Variants in MGAT4C observed in about 807,000 individuals in gnomAD.
MGAT4C encodes the protein MGAT4 family member C, also known as alpha-1,3-mannosyl-glycoprotein 4-beta-N-acetylglucosaminyltransferase C.
MGAT4C carries 19 observed loss-of-function variants against 40.1 expected under a neutral mutation model. The observed-to-expected ratio is 0.47, with a 90% CI of 0.33 to 0.70. The LOEUF (loss-of-function observed/expected upper bound fraction) is 0.70, where lower values mean the gene tolerates loss of function less well. Among genes scored for constraint, MGAT4C ranks in the 30% least tolerant of loss-of-function variants. The pLI is 0.02. For missense variants in MGAT4C, 491 were observed against 563.2 expected, an observed-to-expected ratio of 0.87 and a Z score of 1.30; for synonymous variants, 181 against 187.1, an observed-to-expected ratio of 0.97 and a Z score of 0.27.
chr12:86,333,871 A>C (rs775290549), intron 4 of MGAT4C, among the ~76,000 whole-genome samples: 5 of 152,146 alleles, frequency 3.3e-5, no homozygotes, highest in African/African-American at 9.7e-5. Context: ...CTTCAGAGTT[A>C]AGTATCTATT....
Position 85,974,551 on chromosome 12 carries a change from A to G in MGAT4C, c.*4738T>C, listed in dbSNP as rs946688443. ...TGTACATACACATATGTATATATAC[A>G]TACACACAGATTGAGAGATTAACCA... On this transcript the variant is annotated 3_prime_UTR_variant, in exon 5 of 5. Coordinates refer to ENST00000611864, the MANE Select transcript of MGAT4C (RefSeq NM_001351288.2). 5.0e-4 allele frequency: 75 copies of G among 150,872 alleles called. 1 individual carries two copies. Among genetic ancestry groups the G allele is most frequent in the African/African-American group, 1.7e-3 (70 of 41,400 alleles). 9.3% of individuals were successfully genotyped at this position (150,872 alleles called of 1,614,324 possible).
intron 4 of MGAT4C, among the ~76,000 whole-genome samples, chr12:86,285,671 A>G (rs1469541822): frequency 1.0e-5 from 1 of 96,278 alleles, no homozygotes; most frequent in Non-Finnish European, 2.1e-5. Context: ...TGTGCTCAAA[A>G]GTCTCAAAAA....
At chr12:86,506,358 T>A (rs1390019268) in intron 2 of MGAT4C, among the ~76,000 whole-genome samples, 1 of 152,162 alleles carries the variant, frequency 6.6e-6, no homozygotes, top group African/African-American at 2.4e-5. Flanking sequence ...CAAATATATT[T>A]TTTAAAGACT....
At position 85,968,771 on chromosome 12, in the gene MGAT4C, G is replaced by A. The variant is rs946106746; in HGVS notation, c.*10518C>T. ...AACAATTATGATAACTCTGAGCATG[G>A]AGCTCAGGAATGGGTGAAATTCTTC... On this transcript the variant is annotated 3_prime_UTR_variant, in exon 5 of 5. Coordinates refer to ENST00000611864, the MANE Select transcript of MGAT4C (RefSeq NM_001351288.2). The A allele has an allele frequency of 1.3e-5, 2 of 151,830 alleles. No homozygotes were observed. Among genetic ancestry groups the A allele is most frequent in the Non-Finnish European group, 2.9e-5 (2 of 67,824 alleles). 9.4% of individuals were successfully genotyped at this position (151,830 alleles called of 1,614,324 possible). A position where few individuals can be genotyped will look rare whatever the true frequency, so the allele number is the denominator to read the frequency against.
At chr12:85,991,256 T>A (rs1191490018) in intron 2 of MGAT4C, among the ~76,000 whole-genome samples, 2 of 152,098 alleles carry the variant, frequency 1.3e-5, no homozygotes, top group African/African-American at 2.4e-5. Context: ...CACTCCATCA[T>A]CTCTCCATCC....
At chr12:86,154,133 A>G (rs1884632873) in intron 1 of MGAT4C, among the ~76,000 whole-genome samples, 1 of 152,182 alleles carries the variant, frequency 6.6e-6, no homozygotes, top group African/African-American at 2.4e-5. Flanking sequence ...TCCAAAGTTC[A>G]TTACCATGAA....
rs1320792772 is a variant in MGAT4C, at chr12:86,034,563, TTTG to T, written c.-7+15108_-7+15110del. Among the ~76,000 whole-genome samples the T allele has an allele frequency of 1.3e-4, 17 of 129,128 alleles. 2 individuals are homozygous for T. The highest frequency in any genetic ancestry group is 3.8e-4 in the African/African-American group (15 of 39,226). 84.7% of individuals were successfully genotyped at this position (129,128 alleles called of 152,430 possible). A position where few individuals can be genotyped will look rare whatever the true frequency, so the allele number is the denominator to read the frequency against. On this transcript the variant is annotated intron_variant, in intron 2 of 4. Coordinates refer to ENST00000611864, the MANE Select transcript of MGAT4C (RefSeq NM_001351288.2). ...TGTGCATAGTAGTCTCTGAGGGTTT[TTTG>T]TTGTTGTTTTTTTTAAATTTTTTTT... is the stretch of plus-strand genomic sequence containing the variant.
At chr12:86,092,333 T>C (rs1873029812) in intron 1 of MGAT4C, among the ~76,000 whole-genome samples, 1 of 152,136 alleles carries the variant, frequency 6.6e-6, no homozygotes, top group Non-Finnish European at 1.5e-5. Flanking sequence ...AAGGTGGAGA[T>C]AAATTACTAT....
At chr12:86,267,299 G>A (rs1389233812) in intron 4 of MGAT4C, among the ~76,000 whole-genome samples, 1 of 152,006 alleles carries the variant, frequency 6.6e-6, no homozygotes, top group Non-Finnish European at 1.5e-5. Flanking sequence ...GCATTTCCAT[G>A]CTGAGGGAAT....
At chr12:86,278,178 CT>C (rs57981698) in intron 4 of MGAT4C, among the ~76,000 whole-genome samples, 46 of 99,944 alleles carry the variant, frequency 4.6e-4, no homozygotes, top group East Asian at 2.2e-3. Context: ...TGTTGACTTC[CT>C]TTTTTTTTTT....
chr12:86,767,488 A>C (rs1229289032), intron 1 of MGAT4C, among the ~76,000 whole-genome samples: 2 of 152,206 alleles, frequency 1.3e-5, no homozygotes, highest in Non-Finnish European at 1.5e-5. Context: ...TCAATAGAAA[A>C]AGAGGGAATC....
chr12:86,619,059 T>C (rs1325589160), intron 2 of MGAT4C, among the ~76,000 whole-genome samples: 4 of 152,196 alleles, frequency 2.6e-5, no homozygotes, highest in East Asian at 3.9e-4. Flanking sequence ...TATTAGGTAT[T>C]ATAAGTAATC....
At position 86,585,753 on chromosome 12, in the gene MGAT4C, CT is replaced by C. The variant is rs1319473578; in HGVS notation, c.-229+141455del. Among the ~76,000 whole-genome samples, 343 of 132,936 alleles carry C rather than the reference CT, an allele frequency of 2.6e-3. 1 individual carries two copies. Among genetic ancestry groups the C allele is most frequent in the African/African-American group, 7.8e-3 (289 of 36,954 alleles). 87.2% of individuals were successfully genotyped at this position (132,936 alleles called of 152,430 possible). ...TTTTTTAATTTTTTTTTTAATTTTT[CT>C]TTTTTTTTTTCATTCCCCCACTTTA... On this transcript the variant is annotated intron_variant, in intron 2 of 7. Transcript: ENST00000548651.
At chr12:86,501,807 A>T (rs1051703313) in intron 2 of MGAT4C, among the ~76,000 whole-genome samples, 2 of 152,008 alleles carry the variant, frequency 1.3e-5, no homozygotes, top group Non-Finnish European at 2.9e-5. Flanking sequence ...ATGAACATAC[A>T]TGTGCATGTA....
intron 4 of MGAT4C, among the ~76,000 whole-genome samples, chr12:86,297,696 C>T (rs192952702): frequency 5.3e-4 from 81 of 152,168 alleles, no homozygotes; most frequent in Middle Eastern, 6.8e-3. Context: ...GTTTGTTGCA[C>T]CTTTGACTAC....
intron 3 of MGAT4C, among the ~76,000 whole-genome samples, chr12:86,401,908 G>C (rs1169794989): frequency 6.6e-6 from 1 of 152,046 alleles, no homozygotes; most frequent in Non-Finnish European, 1.5e-5. Context: ...AGAGTTCTAA[G>C]AAACAATTTG....
intron 1 of MGAT4C, among the ~76,000 whole-genome samples, chr12:86,766,295 A>G (rs1340277011): frequency 5.3e-5 from 8 of 152,240 alleles, no homozygotes; most frequent in South Asian, 4.2e-4. Flanking sequence ...TGGTAAAGGG[A>G]TCAATTCAAT....
chr12:86,786,461 C>A (rs1462285144), intron 1 of MGAT4C, among the ~76,000 whole-genome samples: 2 of 151,902 alleles, frequency 1.3e-5, no homozygotes, highest in African/African-American at 4.8e-5. Flanking sequence ...AAGAACAAAG[C>A]AAAGATGTCA....
At chr12:86,533,414 A>G (rs969617698) in intron 2 of MGAT4C, among the ~76,000 whole-genome samples, 8 of 151,970 alleles carry the variant, frequency 5.3e-5, no homozygotes, top group Non-Finnish European at 1.5e-5. Context: ...GTTATTTCTC[A>G]TAAGGTCATT....
Sources: gnomAD v4.1 joint callset for allele counts (sites outside exome capture counted in the v4.1 genomes callset) on GRCh38, gnomAD v4.1.1 for gene constraint, MANE v1.5 for transcripts, NCBI Gene and HGNC (gene_info 2026-07-23, HGNC 2026-07-21) for gene names.